ADAMTSL3: variants seen among roughly 807,000 people sequenced by gnomAD.
ADAMTSL3 encodes the protein ADAMTS-like protein 3.
A neutral mutation model predicts 201.7 loss-of-function variants in ADAMTSL3; 128 were observed. The observed-to-expected ratio is 0.63, with a 90% CI of 0.55 to 0.73. The LOEUF (loss-of-function observed/expected upper bound fraction) is 0.73, where lower values mean the gene tolerates loss of function less well. ADAMTSL3 is among the 30% of genes least tolerant of loss of function. ADAMTSL3 has a pLI of 0.00. For missense variants in ADAMTSL3, 1,990 were observed against 2,119.6 expected (o/e 0.94, Z 1.20); for synonymous variants, 738 against 748.4 (o/e 0.99, Z 0.23).
At chr15:83,842,494 G>A (rs1055160372) in intron 7 of ADAMTSL3, among the ~76,000 whole-genome samples, 2 of 152,132 alleles carry the variant, frequency 1.3e-5, no homozygotes, top group South Asian at 4.1e-4. Context: ...TGCTGGGCAC[G>A]GAAGAAGCAA....
At chr15:83,891,939 G>A (rs2065507310) in intron 12 of ADAMTSL3, among the ~76,000 whole-genome samples, 1 of 152,246 alleles carries the variant, frequency 6.6e-6, no homozygotes, top group African/African-American at 2.4e-5. Context: ...TCTTGGCCGG[G>A]CGTGGTGGCA....
intron 9 of ADAMTSL3, among the ~76,000 whole-genome samples, chr15:83,878,573 C>T (rs529525643): frequency 6.6e-6 from 1 of 151,558 alleles, no homozygotes; most frequent in African/African-American, 2.4e-5. Flanking sequence ...AAGATTGCGC[C>T]ACTGCACTCC....
intron 4 of ADAMTSL3, among the ~76,000 whole-genome samples, chr15:83,794,692 A>G (rs2063396241): frequency 6.6e-6 from 1 of 152,148 alleles, no homozygotes; most frequent in African/African-American, 2.4e-5. Context: ...ATAAAAGGCA[A>G]CTTGCAGGAT....
intron 3 of ADAMTSL3, among the ~76,000 whole-genome samples, chr15:83,752,438 G>C (rs903545566): frequency 5.3e-5 from 8 of 152,048 alleles, no homozygotes; most frequent in Admixed American, 1.3e-4. Context: ...TTAATGTGTA[G>C]TTCTATTTTA....
chr15:83,723,527 A>G (rs942366816), intron 3 of ADAMTSL3, among the ~76,000 whole-genome samples: 5 of 152,208 alleles, frequency 3.3e-5, no homozygotes, highest in South Asian at 2.1e-4. Flanking sequence ...ATAATACTTG[A>G]CAACCAGAAA....
intron 20 of ADAMTSL3, among the ~76,000 whole-genome samples, chr15:83,976,782 G>C (rs938361853): frequency 1.3e-5 from 2 of 152,148 alleles, no homozygotes. Context: ...ATGAAGCTTC[G>C]CTCACTGGCC....
chr15:84,037,511 G>A (rs1430368787), intron 29 of ADAMTSL3, among the ~76,000 whole-genome samples, 189 bp from the exon 30 acceptor site: 1 of 152,178 alleles, frequency 6.6e-6, no homozygotes, highest in Non-Finnish European at 1.5e-5. Context: ...AGCAGCAAGA[G>A]GTCACTTGGC....
rs146412805 is a variant in ADAMTSL3, at chr15:83,715,911, G to T, written c.189+11403G>T. Among the ~76,000 whole-genome samples the T allele has an allele frequency of 8.8e-3, 1,341 of 152,306 alleles. 24 individuals carry two copies. The highest frequency in any genetic ancestry group is 0.031 in the African/African-American group (1,284 of 41,558). On this transcript the variant is annotated intron_variant, in intron 3 of 29. Transcript: ENST00000286744. ...ATTGAATGTCTGTGTTTTCTGCGATGTCCAGCTTAGTGCCATCTCTTCCAG... is the reference window on the plus strand; with the variant it reads ...ATTGAATGTCTGTGTTTTCTGCGATTTCCAGCTTAGTGCCATCTCTTCCAG...
intron 3 of ADAMTSL3, among the ~76,000 whole-genome samples, chr15:83,740,474 G>A (rs1207609565): frequency 6.6e-6 from 1 of 152,198 alleles, no homozygotes; most frequent in East Asian, 1.9e-4. Flanking sequence ...TAAGAGAACT[G>A]CATATCAAAA....
chr15:83,680,258 A>G (rs2061459567), intron 2 of ADAMTSL3, among the ~76,000 whole-genome samples: 1 of 152,042 alleles, frequency 6.6e-6, no homozygotes, highest in African/African-American at 2.4e-5. Context: ...TGAACCCACC[A>G]CTATATTGTT....
intron 3 of ADAMTSL3, among the ~76,000 whole-genome samples, chr15:83,752,876 CTTTA>C (rs1397737051): frequency 6.6e-6 from 1 of 152,176 alleles, no homozygotes; most frequent in African/African-American, 2.4e-5. Flanking sequence ...ATATGCTCGC[CTTTA>C]GGTTTGTTCA....
At chr15:83,776,230 C>T (rs2063072128) in intron 4 of ADAMTSL3, among the ~76,000 whole-genome samples, 1 of 152,184 alleles carries the variant, frequency 6.6e-6, no homozygotes, top group South Asian at 2.1e-4. Context: ...GAGAGGTAGG[C>T]TCACAGCACA....
chr15:83,720,623 A>G (rs1466367425), intron 3 of ADAMTSL3, among the ~76,000 whole-genome samples: 1 of 152,238 alleles, frequency 6.6e-6, no homozygotes. Flanking sequence ...CACAAAGGTT[A>G]GAATGTGTCA....
chr15:83,880,981 G>A (rs1010553376), intron 9 of ADAMTSL3, among the ~76,000 whole-genome samples: 1 of 151,822 alleles, frequency 6.6e-6, no homozygotes, highest in Non-Finnish European at 1.5e-5. Context: ...TAAAGTTTGT[G>A]CTGTATATTG....
chr15:83,821,298 T>G (rs1405300564), intron 6 of ADAMTSL3, among the ~76,000 whole-genome samples: 1 of 151,414 alleles, frequency 6.6e-6, no homozygotes, highest in South Asian at 2.1e-4. Context: ...AGAGGGGGAT[T>G]TGGCAGGGTC....
At chr15:83,919,359 G>A (rs189845630) in intron 16 of ADAMTSL3, among the ~76,000 whole-genome samples, 1 of 152,250 alleles carries the variant, frequency 6.6e-6, no homozygotes, top group Non-Finnish European at 1.5e-5. Context: ...GAAGAGATCA[G>A]CGAGATATGA....
chr15:83,981,465 G>T (rs1379969409), intron 20 of ADAMTSL3, among the ~76,000 whole-genome samples: 1 of 152,176 alleles, frequency 6.6e-6, no homozygotes, highest in Non-Finnish European at 1.5e-5. Context: ...ACTGTGCTGT[G>T]CACTTGATAT....
chr15:83,839,415 C>T (rs915785034), intron 7 of ADAMTSL3, among the ~76,000 whole-genome samples: 14 of 152,076 alleles, frequency 9.2e-5, no homozygotes, highest in African/African-American at 2.2e-4. Context: ...TAAGACAGAA[C>T]GGCATTTGGA....
intron 3 of ADAMTSL3, among the ~76,000 whole-genome samples, chr15:83,719,427 T>C (rs1363577088): frequency 1.3e-5 from 2 of 152,090 alleles, no homozygotes; most frequent in African/African-American, 4.8e-5. Context: ...AATGAACAAA[T>C]AAACAGACAA....
Sources: gnomAD v4.1 joint callset for allele counts (sites outside exome capture counted in the v4.1 genomes callset) on GRCh38, gnomAD v4.1.1 for gene constraint, MANE v1.5 for transcripts, NCBI Gene and HGNC (gene_info 2026-07-23, HGNC 2026-07-21) for gene names.